Variants in EYA1 observed in about 807,000 individuals in gnomAD.
The protein encoded by EYA1 is protein phosphatase EYA1.
Under a neutral mutation model 82.0 loss-of-function variants are expected in EYA1, and 16 were observed. The ratio of observed to expected loss-of-function variants is 0.20; its 90% CI spans 0.13 to 0.30. EYA1 has a LOEUF of 0.30. Ranked by LOEUF, EYA1 falls within the 10% of genes least tolerant of loss-of-function variation. The pLI is 1.00. For synonymous variants in EYA1, 261 were observed against 264.4 expected, an observed-to-expected ratio of 0.99 and a Z score of 0.12; for missense variants, 633 against 730.7, an observed-to-expected ratio of 0.87 and a Z score of 1.54.
intron 12 of EYA1, among the ~76,000 whole-genome samples, chr8:71,230,813 T>C (rs1811107546): frequency 6.6e-6 from 1 of 152,260 alleles, no homozygotes; most frequent in African/African-American, 2.4e-5. Context: ...TCTGGAATTT[T>C]CAATACATAT....
At chr8:71,494,522 C>G (rs1358055747) in intron 2 of EYA1, among the ~76,000 whole-genome samples, 1 of 152,070 alleles carries the variant, frequency 6.6e-6, no homozygotes, top group Non-Finnish European at 1.5e-5. Context: ...TACACTCTAG[C>G]AAAAATCAGT....
intron 17 of EYA1, chr8:71,200,199 G>C (rs1055459433): frequency 2.0e-5 from 3 of 151,876 alleles, no homozygotes; most frequent in Non-Finnish European, 4.4e-5. Flanking sequence ...ATCACCCTCA[G>C]GAGAACAAAA....
At chr8:71,537,764 T>C (rs760972047) in intron 1 of EYA1, among the ~76,000 whole-genome samples, 1 of 152,190 alleles carries the variant, frequency 6.6e-6, no homozygotes, top group Non-Finnish European at 1.5e-5. Context: ...TTATTTTCCA[T>C]GTGTTTCTTT....
At chr8:71,524,634 A>G (rs1813677911) in intron 2 of EYA1, among the ~76,000 whole-genome samples, 1 of 152,236 alleles carries the variant, frequency 6.6e-6, no homozygotes, top group South Asian at 2.1e-4. Flanking sequence ...AAATCTGAGT[A>G]TTTCTAAACA....
intron 12 of EYA1, among the ~76,000 whole-genome samples, chr8:71,222,249 T>C (rs1008060675): frequency 1.3e-5 from 2 of 152,150 alleles, no homozygotes; most frequent in African/African-American, 4.8e-5. Context: ...ACTGGTAACA[T>C]ATTTGGTGCC....
chr8:71,400,145 T>C (rs1023950916), intron 2 of EYA1, among the ~76,000 whole-genome samples: 8 of 151,962 alleles, frequency 5.3e-5, no homozygotes, highest in African/African-American at 1.7e-4. Flanking sequence ...TAAAATTAAC[T>C]CAAGATGAAT....
chr8:71,389,852 C>A (rs1044344714), intron 2 of EYA1, among the ~76,000 whole-genome samples: 1 of 152,196 alleles, frequency 6.6e-6, no homozygotes, highest in South Asian at 2.1e-4. Context: ...TAGGTTAATA[C>A]TCAATACTTC....
intron 12 of EYA1, among the ~76,000 whole-genome samples, chr8:71,235,016 C>T (rs891175128): frequency 4.6e-5 from 7 of 152,130 alleles, no homozygotes; most frequent in African/African-American, 1.2e-4. Flanking sequence ...TCCCCACCTA[C>T]GTCTGATCCA....
chr8:71,355,308 T>C (rs1301594342), intron 2 of EYA1, among the ~76,000 whole-genome samples: 1 of 152,152 alleles, frequency 6.6e-6, no homozygotes, highest in Non-Finnish European at 1.5e-5. Flanking sequence ...TGTAAAGAAG[T>C]AAAATGGAAA....
chr8:71,421,619 T>C (rs185932096), intron 2 of EYA1, among the ~76,000 whole-genome samples: 20 of 152,102 alleles, frequency 1.3e-4, no homozygotes, highest in African/African-American at 4.8e-4. Context: ...GTCCTAAAGG[T>C]TGTGGAAAAA....
chr8:71,325,689 G>A (rs1301309101), intron 4 of EYA1, among the ~76,000 whole-genome samples: 1 of 152,186 alleles, frequency 6.6e-6, no homozygotes, highest in Non-Finnish European at 1.5e-5. Flanking sequence ...TGAAATAAAT[G>A]TGAAGAACCC....
intron 7 of EYA1, among the ~76,000 whole-genome samples, chr8:71,306,642 G>T (rs556812264): frequency 6.6e-6 from 1 of 152,204 alleles, no homozygotes; most frequent in East Asian, 1.9e-4. Context: ...AACTCACCTT[G>T]CTCAGTCTTG....
chr8:71,478,002 G>T (rs780753761), intron 2 of EYA1, among the ~76,000 whole-genome samples: 6 of 152,154 alleles, frequency 3.9e-5, no homozygotes, highest in Non-Finnish European at 8.8e-5. Flanking sequence ...ACACAAAGTA[G>T]ATGAGTGGTT....
At chr8:71,495,741 C>G (rs1249112708) in intron 2 of EYA1, among the ~76,000 whole-genome samples, 2 of 152,090 alleles carry the variant, frequency 1.3e-5, no homozygotes, top group Non-Finnish European at 2.9e-5. Context: ...AAAATTAACT[C>G]CTAGGAAGTC....
At chr8:71,223,407 C>T (rs1810179567) in intron 12 of EYA1, among the ~76,000 whole-genome samples, 1 of 152,178 alleles carries the variant, frequency 6.6e-6, no homozygotes, top group Non-Finnish European at 1.5e-5. Flanking sequence ...TATATGACAC[C>T]ACCTGTGCTT....
intron 9 of EYA1, among the ~76,000 whole-genome samples, chr8:71,276,727 T>C (rs1817221541): frequency 6.6e-6 from 1 of 152,196 alleles, no homozygotes; most frequent in Admixed American, 6.5e-5. Context: ...GTAAGACCCT[T>C]CTGCTTCAGC....
intron 2 of EYA1, among the ~76,000 whole-genome samples, chr8:71,405,614 AAATG>A (rs975674036): frequency 6.6e-6 from 1 of 152,206 alleles, no homozygotes; most frequent in African/African-American, 2.4e-5. Context: ...ATGGGTGAAT[AAATG>A]AATGCACGCT....
At chr8:71,400,736 C>A (rs970305505) in intron 2 of EYA1, among the ~76,000 whole-genome samples, 1 of 152,194 alleles carries the variant, frequency 6.6e-6, no homozygotes, top group Admixed American at 6.5e-5. Flanking sequence ...GGCAATTCCT[C>A]AAAGACCTAG....
intron 17 of EYA1, among the ~76,000 whole-genome samples, chr8:71,208,803 T>C (rs1467944353): frequency 6.6e-6 from 1 of 152,252 alleles, no homozygotes; most frequent in Non-Finnish European, 1.5e-5. Context: ...CTTTCAATTC[T>C]AACCTGAAAC....
Sources: allele counts gnomAD v4.1 joint callset (sites outside exome capture counted in the v4.1 genomes callset), GRCh38; gene constraint gnomAD v4.1.1; transcripts MANE v1.5; gene names NCBI Gene and HGNC (gene_info 2026-07-23, HGNC 2026-07-21).